PTPRD: variants seen among roughly 807,000 people sequenced by gnomAD.
PTPRD encodes the protein receptor-type tyrosine-protein phosphatase delta.
A neutral mutation model predicts 214.5 loss-of-function variants in PTPRD; 34 were observed. The observed-to-expected ratio is 0.16, with a 90% CI of 0.12 to 0.21. PTPRD has a LOEUF of 0.21. Ranked by LOEUF, PTPRD falls within the 10% of genes least tolerant of loss-of-function variation. PTPRD has a pLI of 1.00. For synonymous variants in PTPRD, 1,128 were observed against 845.7 expected, an observed-to-expected ratio of 1.33 and a Z score of -5.79; for missense variants, 2,545 against 2,398.7, an observed-to-expected ratio of 1.06 and a Z score of -1.27.
At chr9:8,904,700 T>C (rs1183051296) in intron 11 of PTPRD, among the ~76,000 whole-genome samples, 1 of 151,908 alleles carries the variant, frequency 6.6e-6, no homozygotes, top group Admixed American at 6.6e-5. Flanking sequence ...ACATTACATT[T>C]AGTTGGTCAT....
intron 4 of PTPRD, among the ~76,000 whole-genome samples, chr9:9,978,924 C>A (rs2095450282): frequency 6.6e-6 from 1 of 151,928 alleles, no homozygotes; most frequent in African/African-American, 2.4e-5. Flanking sequence ...ACAACAACAA[C>A]AAAAGAATTA....
At chr9:8,513,004 G>C (rs560077434) in intron 21 of PTPRD, among the ~76,000 whole-genome samples, 19 of 151,930 alleles carry the variant, frequency 1.3e-4, no homozygotes, top group African/African-American at 4.6e-4. Flanking sequence ...CTTCCTGAAT[G>C]TGTTTTCTAA....
chr9:8,620,793 A>C (rs1390030766), intron 14 of PTPRD, among the ~76,000 whole-genome samples: 5 of 152,030 alleles, frequency 3.3e-5, no homozygotes, highest in Non-Finnish European at 7.4e-5. Context: ...AGTCCTTTCA[A>C]GTCTATATTA....
chr9:8,914,227 T>C (rs139195526), intron 11 of PTPRD, among the ~76,000 whole-genome samples: 1 of 152,336 alleles, frequency 6.6e-6, no homozygotes, highest in East Asian at 1.9e-4. Flanking sequence ...ATTACTATTT[T>C]AATTATTCTT....
chr9:9,890,951 C>T (rs1428493804), intron 5 of PTPRD, among the ~76,000 whole-genome samples: 1 of 152,048 alleles, frequency 6.6e-6, no homozygotes. Flanking sequence ...TTGAGTTCAC[C>T]ATATCTACAT....
chr9:9,302,143 T>C (rs1955544998), intron 9 of PTPRD, among the ~76,000 whole-genome samples: 1 of 151,960 alleles, frequency 6.6e-6, no homozygotes, highest in African/African-American at 2.4e-5. Context: ...GTTTCAGAAG[T>C]CATCAAGTTG....
intron 44 of PTPRD, among the ~76,000 whole-genome samples, chr9:8,321,884 C>A (rs1449767078): frequency 6.6e-6 from 1 of 151,940 alleles, no homozygotes; most frequent in Non-Finnish European, 1.5e-5. Flanking sequence ...ACGTCTGTGT[C>A]AATCTTGCAT....
chr9:9,676,005 G>C (rs2154393949), intron 7 of PTPRD, among the ~76,000 whole-genome samples: 1 of 152,042 alleles, frequency 6.6e-6, no homozygotes, highest in East Asian at 1.9e-4. Context: ...GGGTTCTGTA[G>C]CACTAAAAAA....
At chr9:8,983,370 A>G (rs1375217810) in intron 11 of PTPRD, among the ~76,000 whole-genome samples, 3 of 152,096 alleles carry the variant, frequency 2.0e-5, no homozygotes, top group East Asian at 3.9e-4. Flanking sequence ...AATATACTCA[A>G]TTTATAATTT....
chr9:10,268,817 A>C (rs937604708), intron 3 of PTPRD, among the ~76,000 whole-genome samples: 1 of 152,226 alleles, frequency 6.6e-6, no homozygotes, highest in Non-Finnish European at 1.5e-5. Flanking sequence ...AACAAACTTA[A>C]ACTGGCCTTT....
chr9:10,459,249 T>A (rs1325421238), intron 2 of PTPRD, among the ~76,000 whole-genome samples: 2 of 152,168 alleles, frequency 1.3e-5, no homozygotes, highest in Non-Finnish European at 2.9e-5. Context: ...TATGGCTGCA[T>A]AATATTCCAT....
intron 7 of PTPRD, among the ~76,000 whole-genome samples, chr9:9,631,952 A>T (rs1179018999): frequency 6.6e-6 from 1 of 152,228 alleles, no homozygotes; most frequent in Non-Finnish European, 1.5e-5. Flanking sequence ...TCACCAGGTG[A>T]TATAAAAAGT....
intron 11 of PTPRD, among the ~76,000 whole-genome samples, chr9:8,785,239 G>A (rs975750019): frequency 1.3e-5 from 2 of 152,006 alleles, no homozygotes; most frequent in Admixed American, 6.6e-5. Flanking sequence ...AAGAATAACA[G>A]GGGAAAAAAA....
At chr9:9,590,679 A>G (rs1327566405) in intron 7 of PTPRD, among the ~76,000 whole-genome samples, 3 of 151,948 alleles carry the variant, frequency 2.0e-5, no homozygotes, top group Non-Finnish European at 4.4e-5. Context: ...AATCATTTAC[A>G]TAAAAAGAGC....
intron 3 of PTPRD, among the ~76,000 whole-genome samples, chr9:10,313,441 C>T (rs886524681): frequency 2.2e-5 from 3 of 133,608 alleles, no homozygotes; most frequent in African/African-American, 9.0e-5. Context: ...GTCCCTAATA[C>T]TCCTTATTTT....
Position 10,363,991 on chromosome 9 carries a change from G to GTTTTTTTGTTTTT in PTPRD, c.-599-22975_-599-22974insAAAAACAAAAAAA, listed in dbSNP as rs1485501417. ...ATTATTATTGCCTCCACATTTTCGG[G>GTTTTTTTGTTTTT]TTTTTTTTTTTTTTTTTTTTTTTTT... is the stretch of plus-strand genomic sequence containing the variant. On this transcript the variant is annotated intron_variant, in intron 2 of 45. Coordinates refer to ENST00000381196, the MANE Select transcript of PTPRD (RefSeq NM_002839.4). 3.1e-3 allele frequency among the ~76,000 whole-genome samples: 108 copies of GTTTTTTTGTTTTT among 35,124 alleles called. 2 individuals carry two copies. The highest frequency in any genetic ancestry group is 6.0e-3 in the Admixed American group (21 of 3,512). 23.0% of individuals were successfully genotyped at this position (35,124 alleles called of 152,430 possible). A position where few individuals can be genotyped will look rare whatever the true frequency, so the allele number is the denominator to read the frequency against.
At chr9:10,366,100 C>CA (rs2097510560) in intron 2 of PTPRD, among the ~76,000 whole-genome samples, 1 of 152,094 alleles carries the variant, frequency 6.6e-6, no homozygotes, top group African/African-American at 2.4e-5. Flanking sequence ...GCTGTGGTCC[C>CA]AATGTAGGTG....
At chr9:9,437,199 G>T (rs950246453) in intron 8 of PTPRD, among the ~76,000 whole-genome samples, 1 of 152,158 alleles carries the variant, frequency 6.6e-6, no homozygotes, top group Non-Finnish European at 1.5e-5. Flanking sequence ...AAATATCAGA[G>T]AATGAGCTCT....
chr9:8,979,710 T>A (rs912912602), intron 11 of PTPRD, among the ~76,000 whole-genome samples: 4 of 152,082 alleles, frequency 2.6e-5, no homozygotes, highest in Non-Finnish European at 5.9e-5. Flanking sequence ...ACCATAAGGA[T>A]GGCTTTTATC....
Sources: gnomAD v4.1 joint callset for allele counts (sites outside exome capture counted in the v4.1 genomes callset) on GRCh38, gnomAD v4.1.1 for gene constraint, MANE v1.5 for transcripts, NCBI Gene and HGNC (gene_info 2026-07-23, HGNC 2026-07-21) for gene names.